APC: variants seen among roughly 807,000 people sequenced by gnomAD.
APC encodes the protein APC regulator of Wnt signaling pathway.
In APC, 72 loss-of-function variants were observed where a neutral mutation model predicts 247.0. That is an observed-to-expected ratio of 0.29 (90% CI 0.24 to 0.35). APC has a LOEUF of 0.35. Ranked by LOEUF, APC falls within the 10% of genes least tolerant of loss-of-function variation. The pLI, the probability that APC is intolerant of heterozygous loss-of-function variation, is 1.00. For missense variants in APC, 3,400 were observed against 3,360.7 expected (o/e 1.01, Z -0.29); for synonymous variants, 1,254 against 1,162.5 (o/e 1.08, Z -1.60).
At chr5:112,826,411 T>G (rs1485968303) in intron 11 of APC, among the ~76,000 whole-genome samples, 7 of 152,134 alleles carry the variant, frequency 4.6e-5, no homozygotes, top group Admixed American at 4.6e-4. Flanking sequence ...CTTCCTATTG[T>G]TGGCCATTGT....
rs776327733 is a variant in APC at position 112,843,085 on chromosome 5, G to T, written c.7491G>T (p.Ser2497=). ...CTGATATGTCTCTATCCACACATTC[G>T]TCTGTTCAGGCTGGTGGATGGCGAA... ...SLPDMSLSTH[S]SVQAGGWRKL... is the part of the protein sequence containing the mutation. Residue 2497 remains serine (S), a synonymous_variant, in exon 16 of 16, where the codon TCG becomes TCT. Transcript: ENST00000257430. This position sits in a 1 kb window ranked among gnomAD's most constrained non-coding sequence, Gnocchi z 4.8. The T allele has an allele frequency of 1.2e-6, 2 of 1,613,972 alleles. No homozygotes were observed. Among genetic ancestry groups the T allele is most frequent in the Admixed American group, 1.7e-5 (1 of 60,006 alleles).
chr5:112,829,177 C>A (rs989561710), intron 14 of APC: 2 of 450,418 alleles, frequency 4.4e-6, no homozygotes, highest in Admixed American at 3.4e-5. Flanking sequence ...CTCTTTCTCT[C>A]GCCCAGGCTG....
chr5:112,826,783 A>G (rs1012760519), intron 11 of APC, among the ~76,000 whole-genome samples: 3 of 152,156 alleles, frequency 2.0e-5, no homozygotes, highest in Non-Finnish European at 4.4e-5. Flanking sequence ...TTCACGAAGA[A>G]CTAGTGTTAG....
chr5:112,841,028 A>G lies in APC; in HGVS notation c.5434A>G (p.Lys1812Glu), dbSNP rs1320552799. Reference sequence around the variant, plus strand: ...AGTTTTCTCAGACAACAAAGATTCAAAGAAACAGAATTTGAAAAATAATTC... The same window carrying G: ...AGTTTTCTCAGACAACAAAGATTCAGAGAAACAGAATTTGAAAAATAATTC... ...ERVFSDNKDS[K>E]KQNLKNNSKV... The change falls in exon 16 of 16, where the codon AAG becomes GAG. Residue 1812 changes from lysine to glutamate, a missense_variant. Around this residue, in one of 9 missense-constraint regions of APC, gnomAD observed 1,788 missense variants for 1,649.5 expected, o/e 1.08. Coordinates refer to ENST00000257430, the MANE Select transcript of APC (RefSeq NM_000038.6). The surrounding 1 kb of genome is among the most constrained non-coding windows in gnomAD (Gnocchi z 4.6). 6.2e-7 allele frequency: 1 copy of G among 1,611,142 alleles called. No homozygotes were observed. Among genetic ancestry groups the G allele is most frequent in the African/African-American group, 1.3e-5 (1 of 74,950 alleles).
intron 1 of APC, among the ~76,000 whole-genome samples, chr5:112,752,895 T>C (rs1754537152): frequency 6.6e-6 from 1 of 152,178 alleles, no homozygotes; most frequent in Non-Finnish European, 1.5e-5. Context: ...GTTTAATTGT[T>C]CATCTGAAGA....
At chr5:112,830,536 A>G (rs760412432) in intron 14 of APC, among the ~76,000 whole-genome samples, 6 of 152,226 alleles carry the variant, frequency 3.9e-5, no homozygotes, top group Non-Finnish European at 8.8e-5. Flanking sequence ...TGACCCAACC[A>G]TTCCACTTCT....
Position 112,842,685 on chromosome 5 carries a change from TGTC to T in APC, c.7092_7094del (p.Met2364_Ser2365delinsIle). Reference sequence around the variant, plus strand: ...ACTAAGTCCTCAGGTTCTGGAAAAATGTCATATACATCTCCAGGTAGACAGATG... The same window carrying T: ...ACTAAGTCCTCAGGTTCTGGAAAAATATATACATCTCCAGGTAGACAGATG... On this transcript the variant is annotated inframe_deletion, in exon 16 of 16. Coordinates refer to ENST00000257430, the MANE Select transcript of APC (RefSeq NM_000038.6). The T allele has an allele frequency of 6.2e-7, 1 of 1,613,434 alleles. No individual in the cohort carries two copies. The highest frequency in any genetic ancestry group is 8.5e-7 in the Non-Finnish European group (1 of 1,179,522).
intron 5 of APC, chr5:112,777,612 C>T (rs957149292): frequency 5.8e-6 from 1 of 173,466 alleles, no homozygotes; most frequent in Non-Finnish European, 1.4e-5. Flanking sequence ...AATCAAAAAC[C>T]AAGACCCATA....
chr5:112,798,737 T>TA (rs1227797543), intron 7 of APC, among the ~76,000 whole-genome samples: 2 of 151,530 alleles, frequency 1.3e-5, no homozygotes, highest in South Asian at 2.1e-4. Flanking sequence ...AGTGAAAGAA[T>TA]AAAAAAAAGT....
At chr5:112,725,752 C>A (rs1279631570) in intron 1 of APC, among the ~76,000 whole-genome samples, 1 of 152,044 alleles carries the variant, frequency 6.6e-6, no homozygotes, top group African/African-American at 2.4e-5. Context: ...CAGTGAGACC[C>A]TATCTCAAAA....
In APC at chr5:112,707,840, G is replaced by T. The variant is rs1189155420; in HGVS notation, c.123G>T (p.Pro41=). The T allele has an allele frequency of 2.2e-6, 3 of 1,370,366 alleles. No homozygotes were observed. The highest frequency in any genetic ancestry group is 2.9e-5 in the African/African-American group (2 of 69,760). The allele number at this position is 1,370,366 out of a possible 1,614,324, so 84.9% of individuals were successfully genotyped here. ...GCGTCCGGCAGGAGACGAAGAGCCC[G>T]GGCGGCGCTCGTACTTCTGGCCACT... Residue 41 remains proline, a synonymous_variant, in exon 1 of 14, where the codon CCG becomes CCT. Coordinates refer to the APC transcript ENST00000507379.
At chr5:112,824,807 C>T (rs188549817) in intron 11 of APC, among the ~76,000 whole-genome samples, 3 of 152,244 alleles carry the variant, frequency 2.0e-5, no homozygotes, top group Admixed American at 1.3e-4. Flanking sequence ...TCAAAATTCT[C>T]AGTTCTTTTA....
intron 8 of APC, among the ~76,000 whole-genome samples, chr5:112,811,316 A>G (rs1381257244): frequency 6.6e-6 from 1 of 152,220 alleles, no homozygotes; most frequent in Non-Finnish European, 1.5e-5. Context: ...GTTGTGAGAA[A>G]GTTCATCACA....
In APC at chr5:112,819,135, T is replaced by C. The variant is rs1762835497; in HGVS notation, c.1103T>C (p.Val368Ala). ...QLLHGNDKDS[V>A]LLGNSRGSKE... Reference sequence around the variant, plus strand: ...TTACATGGCAATGACAAAGACTCTGTATTGTTGGGAAATTCCCGGGGCAGT... The same window carrying C: ...TTACATGGCAATGACAAAGACTCTGCATTGTTGGGAAATTCCCGGGGCAGT... Residue 368 changes from valine to alanine, a missense_variant, in exon 10 of 16, where the codon GTA (valine) becomes GCA (alanine). Val to Ala is a moderately conservative substitution (Grantham distance 64). Transcript: ENST00000257430. The C allele has an allele frequency of 6.2e-7, 1 of 1,614,026 alleles. No homozygotes were observed. The highest frequency in any genetic ancestry group is 1.7e-5 in the Admixed American group (1 of 60,006).
chr5:112,841,970 A>G lies in APC; in HGVS notation c.6376A>G (p.Arg2126Gly), dbSNP rs1272242159. 1.9e-6 allele frequency: 3 copies of G among 1,613,476 alleles called. No individual in the cohort carries two copies. Among genetic ancestry groups the G allele is most frequent in the Non-Finnish European group, 2.5e-6 (3 of 1,179,578 alleles). ...AGCTGCTGCTGCTGCATGTTTATCTAGACAAGCTTCGTCTGATTCAGATTC... is the reference window on the plus strand; with the variant it reads ...AGCTGCTGCTGCTGCATGTTTATCTGGACAAGCTTCGTCTGATTCAGATTC... Reference protein sequence around the residue: ...HQAAAAACLSRQASSDSDSIL... With the variant: ...HQAAAAACLSGQASSDSDSIL... Residue 2126 changes from arginine (R) to glycine (G), a missense_variant, in exon 16 of 16, where the codon AGA (arginine) becomes GGA (glycine). By Grantham distance (125) the Arg-to-Gly change is moderately radical. Coordinates refer to ENST00000257430, the MANE Select transcript of APC (RefSeq NM_000038.6). The surrounding 1 kb of genome is among the most constrained non-coding windows in gnomAD (Gnocchi z 4.6).
chr5:112,757,818 T>C (rs1755159958), intron 2 of APC, among the ~76,000 whole-genome samples: 1 of 152,226 alleles, frequency 6.6e-6, no homozygotes, highest in South Asian at 2.1e-4. Flanking sequence ...TATTTGATTA[T>C]ATGTGTCTTT....
intron 7 of APC, among the ~76,000 whole-genome samples, chr5:112,797,197 A>G (rs887339146): frequency 2.6e-5 from 4 of 152,154 alleles, no homozygotes; most frequent in Non-Finnish European, 4.4e-5. Flanking sequence ...CATTATTCTG[A>G]TAGTTTGTAA....
intron 1 of APC, among the ~76,000 whole-genome samples, chr5:112,723,343 T>C (rs6884079): frequency 0.048 from 7,309 of 152,056 alleles, 452 homozygotes; most frequent in African/African-American, 0.15. Flanking sequence ...AGCCTTGTGG[T>C]GCCAGCTACT....
intron 1 of APC, among the ~76,000 whole-genome samples, chr5:112,710,124 C>A (rs1178330202): frequency 6.6e-6 from 1 of 152,166 alleles, no homozygotes; most frequent in Non-Finnish European, 1.5e-5. Flanking sequence ...TTTCTGTAGA[C>A]TTACCTTTCT....
Sources: allele counts gnomAD v4.1 joint callset (sites outside exome capture counted in the v4.1 genomes callset), GRCh38; gene constraint gnomAD v4.1.1; regional missense constraint gnomAD v4.1.1; non-coding constraint Gnocchi (gnomAD v3.1); transcripts MANE v1.5; gene names NCBI Gene and HGNC (gene_info 2026-07-23, HGNC 2026-07-21).